Variants in SLC9A9 observed in about 807,000 individuals in gnomAD.
SLC9A9 encodes the protein solute carrier family 9 member A9, also known as sodium/hydrogen exchanger 9.
In SLC9A9, 62 loss-of-function variants were observed where a neutral mutation model predicts 77.8. The observed-to-expected ratio is 0.80, with a 90% CI of 0.65 to 0.98. The LOEUF (loss-of-function observed/expected upper bound fraction) is 0.98, where lower values mean the gene tolerates loss of function less well. SLC9A9 is among the 50% of genes least tolerant of loss of function. The probability of loss-of-function intolerance (pLI) is 0.00; values close to 1 mark genes in which losing one functional copy is unlikely to be tolerated. For synonymous variants in SLC9A9, 320 were observed against 283.5 expected, an observed-to-expected ratio of 1.13 and a Z score of -1.29; for missense variants, 775 against 774.9, an observed-to-expected ratio of 1.00 and a Z score of 0.00.
At chr3:143,299,231 A>G (rs987785552) in intron 14 of SLC9A9, among the ~76,000 whole-genome samples, 1 of 152,198 alleles carries the variant, frequency 6.6e-6, no homozygotes, top group Non-Finnish European at 1.5e-5. Flanking sequence ...GGTAAAAAAA[A>G]AGGCCCTAAG....
chr3:143,660,563 G>T (rs917937829), intron 5 of SLC9A9, among the ~76,000 whole-genome samples: 2 of 152,160 alleles, frequency 1.3e-5, no homozygotes, highest in Admixed American at 6.5e-5. Flanking sequence ...AACCAACCTG[G>T]ACTTCTGACC....
intron 12 of SLC9A9, among the ~76,000 whole-genome samples, chr3:143,436,686 G>T (rs561028942): frequency 2.0e-5 from 3 of 152,344 alleles, no homozygotes; most frequent in East Asian, 3.9e-4. Flanking sequence ...GACTAATTAG[G>T]TATAAATGCA....
chr3:143,420,104 G>A (rs1017520173), intron 12 of SLC9A9, among the ~76,000 whole-genome samples: 5 of 152,214 alleles, frequency 3.3e-5, no homozygotes, highest in Admixed American at 6.5e-5. Context: ...GATGGGTAAT[G>A]TGACAGTGGG....
At chr3:143,653,663 C>A (rs921397421) in intron 5 of SLC9A9, among the ~76,000 whole-genome samples, 1 of 152,040 alleles carries the variant, frequency 6.6e-6, no homozygotes, top group African/African-American at 2.4e-5. Context: ...ACAATCTGAA[C>A]TTTGGAAATA....
intron 11 of SLC9A9, among the ~76,000 whole-genome samples, chr3:143,478,196 T>A (rs2035514661): frequency 6.6e-6 from 1 of 152,324 alleles, no homozygotes; most frequent in East Asian, 1.9e-4. Flanking sequence ...TCACAATCCT[T>A]CCTGAGAGGA....
chr3:143,417,013 T>G (rs2034207704), intron 12 of SLC9A9, among the ~76,000 whole-genome samples: 1 of 151,798 alleles, frequency 6.6e-6, no homozygotes, highest in Admixed American at 6.6e-5. Flanking sequence ...AAAGAAGAGG[T>G]AGTTATTTTG....
intron 6 of SLC9A9, among the ~76,000 whole-genome samples, chr3:143,588,868 T>C (rs2037600731): frequency 6.6e-6 from 1 of 152,224 alleles, no homozygotes; most frequent in African/African-American, 2.4e-5. Context: ...TCTCATGGCC[T>C]AATGGGAATT....
rs115162009 is a variant in SLC9A9, at chr3:143,491,795, G to C, written c.1315+1858C>G. On this transcript the variant is annotated intron_variant, in intron 11 of 15. Coordinates refer to ENST00000316549, the MANE Select transcript of SLC9A9 (RefSeq NM_173653.4). ...GTTTAAAATGTAATATTGAAGCTTT[G>C]AAAATAAGCTGCTATTCTCCAGAGT... Among the ~76,000 whole-genome samples the C allele has an allele frequency of 2.6e-3, 390 of 152,232 alleles. 1 individual carries two copies. The highest frequency in any genetic ancestry group is 8.9e-3 in the African/African-American group (368 of 41,542).
At chr3:143,397,835 C>T (rs184743873) in intron 12 of SLC9A9, among the ~76,000 whole-genome samples, 37 of 152,268 alleles carry the variant, frequency 2.4e-4, no homozygotes, top group Non-Finnish European at 4.7e-4. Context: ...TCCCCATGAA[C>T]ATCATTTACA....
chr3:143,777,391 C>G (rs1432695429), intron 4 of SLC9A9, among the ~76,000 whole-genome samples: 1 of 152,068 alleles, frequency 6.6e-6, no homozygotes, highest in Non-Finnish European at 1.5e-5. Flanking sequence ...ATGAAAAACT[C>G]CCTTCTAGAG....
At chr3:143,724,768 G>A (rs1027019136) in intron 4 of SLC9A9, among the ~76,000 whole-genome samples, 2 of 152,164 alleles carry the variant, frequency 1.3e-5, no homozygotes, top group Non-Finnish European at 2.9e-5. Context: ...AATGGATTTG[G>A]TGAGAGAAGT....
intron 14 of SLC9A9, among the ~76,000 whole-genome samples, chr3:143,355,291 A>C (rs1376744398): frequency 6.6e-6 from 1 of 152,248 alleles, no homozygotes; most frequent in East Asian, 1.9e-4. Context: ...ATAATAAATG[A>C]CAATATTATA....
At chr3:143,322,481 C>A (rs925489026) in intron 14 of SLC9A9, among the ~76,000 whole-genome samples, 1 of 152,124 alleles carries the variant, frequency 6.6e-6, no homozygotes, top group Non-Finnish European at 1.5e-5. Flanking sequence ...AAGTGTGGAT[C>A]TTGGGACTTC....
rs141864568 is a variant in SLC9A9 at position 143,554,144 on chromosome 3, A to G, written c.1001-1694T>C. 3.1e-3 allele frequency among the ~76,000 whole-genome samples: 471 copies of G among 152,334 alleles called. 1 individual carries two copies. Among genetic ancestry groups the G allele is most frequent in the African/African-American group, 9.6e-3 (401 of 41,572 alleles). ...AATAAAAGGGCAGGTGTGTCTGTGT[A>G]TGGATAGCAAATAAATTCATTGTAA... On this transcript the variant is annotated intron_variant, in intron 8 of 15. Coordinates refer to ENST00000316549, the MANE Select transcript of SLC9A9 (RefSeq NM_173653.4).
intron 6 of SLC9A9, among the ~76,000 whole-genome samples, chr3:143,606,436 C>CTATATATATATATATATATA (rs60773685): frequency 8.9e-4 from 48 of 54,180 alleles, no homozygotes; most frequent in African/African-American, 1.1e-3. Flanking sequence ...CTCTCTCTCT[C>CTATATATATATATATATATA]TATATATATA....
At chr3:143,666,820 C>G (rs1010125153) in intron 5 of SLC9A9, among the ~76,000 whole-genome samples, 2 of 151,960 alleles carry the variant, frequency 1.3e-5, no homozygotes, top group Admixed American at 6.6e-5. Flanking sequence ...CACTGCTCAA[C>G]AAAATAAAAG....
At chr3:143,574,483 C>G (rs567761833) in intron 7 of SLC9A9, among the ~76,000 whole-genome samples, 1 of 152,282 alleles carries the variant, frequency 6.6e-6, no homozygotes, top group South Asian at 2.1e-4. Flanking sequence ...CTAGCCTCAT[C>G]CCTTGGGATG....
chr3:143,716,265 G>A (rs1560045827), intron 4 of SLC9A9, among the ~76,000 whole-genome samples: 1 of 151,958 alleles, frequency 6.6e-6, no homozygotes, highest in Non-Finnish European at 1.5e-5. Context: ...GTAGAGATGG[G>A]GTCTCCCTAT....
intron 4 of SLC9A9, among the ~76,000 whole-genome samples, chr3:143,750,061 C>T (rs533559510): frequency 2.0e-5 from 3 of 152,076 alleles, no homozygotes; most frequent in Non-Finnish European, 4.4e-5. Flanking sequence ...ATAAAAGCTC[C>T]GGGCAGACAC....
Sources: allele counts gnomAD v4.1 joint callset (sites outside exome capture counted in the v4.1 genomes callset), GRCh38; gene constraint gnomAD v4.1.1; transcripts MANE v1.5; gene names NCBI Gene and HGNC (gene_info 2026-07-23, HGNC 2026-07-21).